Variants in SAMD4B observed in about 807,000 individuals in gnomAD.
SAMD4B encodes protein Smaug homolog 2.
A neutral mutation model predicts 74.5 loss-of-function variants in SAMD4B; 5 were observed. That is an observed-to-expected ratio of 0.07 (90% confidence interval 0.04 to 0.14). The LOEUF (loss-of-function observed/expected upper bound fraction) is 0.14, where lower values mean the gene tolerates loss of function less well. Among genes scored for constraint, SAMD4B ranks in the 10% least tolerant of loss-of-function variants. The pLI, the probability that SAMD4B is intolerant of heterozygous loss-of-function variation, is 1.00. For synonymous variants in SAMD4B, 373 were observed against 374.9 expected, an observed-to-expected ratio of 1.00 and a Z score of 0.06; for missense variants, 608 against 921.8, an observed-to-expected ratio of 0.66 and a Z score of 4.41.
chr19:39,374,577 C>T (rs909209854), intron 4 of SAMD4B, among the ~76,000 whole-genome samples: 1 of 152,084 alleles, frequency 6.6e-6, no homozygotes, highest in Non-Finnish European at 1.5e-5. Context: ...CGCAGTGGCT[C>T]ACGCCTGTAA....
chr19:39,389,833 G>T, downstream of SAMD4B: 1 of 1,597,062 alleles, frequency 6.3e-7, no homozygotes, highest in South Asian at 1.1e-5. This position sits in a 1 kb window ranked among gnomAD's most constrained non-coding sequence, Gnocchi z 5.3. Flanking sequence ...TCCCAGAGGC[G>T]GAGCTTCTCT....
chr19:39,382,819 A>G (rs2078080100), intron 12 of SAMD4B, among the ~76,000 whole-genome samples: 1 of 152,170 alleles, frequency 6.6e-6, no homozygotes, highest in Non-Finnish European at 1.5e-5. Flanking sequence ...TAGCTTTTGC[A>G]CCAAGTACAG....
chr19:39,359,113 A>C (rs2076503975), intron 3 of SAMD4B, among the ~76,000 whole-genome samples: 1 of 152,046 alleles, frequency 6.6e-6, no homozygotes, highest in South Asian at 2.1e-4. Flanking sequence ...CACACTCCCC[A>C]CCACTCTAAC....
chr19:39,382,560 C>T (rs1162460819), intron 12 of SAMD4B, among the ~76,000 whole-genome samples: 2 of 152,098 alleles, frequency 1.3e-5, no homozygotes, highest in Non-Finnish European at 2.9e-5. Context: ...TCCAGGTAAA[C>T]AGCTCGGACT....
rs1358727573 is a variant in SAMD4B at position 39,383,814 on chromosome 19, C to T, written c.*287C>T. 32 of 1,159,682 alleles carry T rather than the reference C, an allele frequency of 2.8e-5. No individual in the cohort carries two copies. Among genetic ancestry groups the T allele is most frequent in the Non-Finnish European group, 3.9e-5 (32 of 821,200 alleles). The allele number at this position is 1,159,682 out of a possible 1,614,324, so 71.8% of individuals were successfully genotyped here. On this transcript the variant is annotated 3_prime_UTR_variant, in exon 14 of 14. Coordinates refer to ENST00000610417, the MANE Select transcript of SAMD4B (RefSeq NM_001384574.2). The surrounding 1 kb of genome is among the most constrained non-coding windows in gnomAD (Gnocchi z 4.1). ...CCTCTCTCCTTTCCTTCCTCATCCCCACCTGGTCCCATCCCACCCCTGCCT... is the reference window on the plus strand; with the variant it reads ...CCTCTCTCCTTTCCTTCCTCATCCCTACCTGGTCCCATCCCACCCCTGCCT...
rs906981638 is a variant in SAMD4B at position 39,378,495 on chromosome 19, T to TC, written c.1445-3dup. The TC allele has an allele frequency of 1.2e-6, 2 of 1,613,202 alleles. No homozygotes were observed. The highest frequency in any genetic ancestry group is 1.7e-5 in the Admixed American group (1 of 59,972). ...GGTTAACCTCCTGCCCTTTCTCATGTCCCCCCAGTGTGCACCCAACTGCTG... is the reference window on the plus strand; with the variant it reads ...GGTTAACCTCCTGCCCTTTCTCATGTCCCCCCCAGTGTGCACCCAACTGCTG... On this transcript the variant is annotated splice_polypyrimidine_tract_variant and intron_variant, in intron 8 of 13. Transcript: ENST00000610417. The surrounding 1 kb of genome is among the most constrained non-coding windows in gnomAD (Gnocchi z 4.4).
chr19:39,383,408 GC>G lies in SAMD4B; in HGVS notation c.2057-89del. The G allele has an allele frequency of 6.4e-7, 1 of 1,567,218 alleles. No individual in the cohort carries two copies. Among genetic ancestry groups the G allele is most frequent in the Non-Finnish European group, 8.8e-7 (1 of 1,137,234 alleles). ...CAGGGGAGGCCAGACTCCAGGGAGGGCCTGACTGGGATGACAGGCTACCTGA... is the reference window on the plus strand; with the variant it reads ...CAGGGGAGGCCAGACTCCAGGGAGGGCTGACTGGGATGACAGGCTACCTGA... On this transcript the variant is annotated intron_variant, in intron 13 of 13. Transcript: ENST00000610417. This position sits in a 1 kb window ranked among gnomAD's most constrained non-coding sequence, Gnocchi z 4.1.
At chr19:39,368,485 C>G (rs2077104124) in intron 3 of SAMD4B, among the ~76,000 whole-genome samples, 1 of 152,074 alleles carries the variant, frequency 6.6e-6, no homozygotes, top group Non-Finnish European at 1.5e-5. Context: ...GGGGAGATAT[C>G]CTGAGCTGAG....
At chr19:39,359,536 A>G (rs1313988470) in intron 3 of SAMD4B, among the ~76,000 whole-genome samples, 1 of 152,088 alleles carries the variant, frequency 6.6e-6, no homozygotes, top group African/African-American at 2.4e-5. Flanking sequence ...TGGTTTTTTC[A>G]CTTACCAATA....
At chr19:39,374,549 A>G (rs2077492252) in intron 4 of SAMD4B, among the ~76,000 whole-genome samples, 2 of 152,206 alleles carry the variant, frequency 1.3e-5, no homozygotes, top group Non-Finnish European at 2.9e-5. Flanking sequence ...GGTGTAGTTA[A>G]TAAGTAAACA....
intron 3 of SAMD4B, among the ~76,000 whole-genome samples, chr19:39,362,484 T>TAGG (rs961986404): frequency 6.6e-6 from 1 of 152,066 alleles, no homozygotes; most frequent in Non-Finnish European, 1.5e-5. Flanking sequence ...TTCATGGAAG[T>TAGG]AGGACATGAG....
intron 4 of SAMD4B, among the ~76,000 whole-genome samples, chr19:39,374,668 C>T (rs558110288): frequency 1.4e-4 from 21 of 151,986 alleles, no homozygotes; most frequent in East Asian, 3.9e-4. Context: ...GGTGAAACCC[C>T]GCCTCTACTA....
chr19:39,343,784 C>T (rs144498473), intron 1 of SAMD4B, among the ~76,000 whole-genome samples: 3 of 152,084 alleles, frequency 2.0e-5, no homozygotes, highest in East Asian at 3.9e-4. Flanking sequence ...CCACATCACA[C>T]GCTCCAAAAA....
Position 39,383,797 on chromosome 19 carries a change from C to A in SAMD4B, c.*270C>A. The stretch of plus-strand genomic sequence containing the variant: ...ACTGGCCAGACTGCCTGCCTCTCTC[C>A]TTTCCTTCCTCATCCCCACCTGGTC... On this transcript the variant is annotated 3_prime_UTR_variant, in exon 14 of 14. Transcript: ENST00000610417. This position sits in a 1 kb window ranked among gnomAD's most constrained non-coding sequence, Gnocchi z 4.1. The A allele has an allele frequency of 7.6e-7, 1 of 1,307,676 alleles. No individual in the cohort carries two copies. The allele number at this position is 1,307,676 out of a possible 1,614,324, so 81.0% of individuals were successfully genotyped here.
chr19:39,358,626 GA>G (rs2076473949), intron 3 of SAMD4B, among the ~76,000 whole-genome samples: 1 of 151,594 alleles, frequency 6.6e-6, no homozygotes, highest in African/African-American at 2.4e-5. Flanking sequence ...GAAAAGGAAA[GA>G]AAAAAGATGA....
chr19:39,343,511 C>T (rs1041182857), intron 1 of SAMD4B, among the ~76,000 whole-genome samples: 4 of 150,906 alleles, frequency 2.7e-5, no homozygotes, highest in African/African-American at 9.8e-5. Context: ...CACACTCCCC[C>T]TTCACGTATC....
chr19:39,345,185 TA>T (rs1568340162), intron 1 of SAMD4B, among the ~76,000 whole-genome samples: 1 of 152,172 alleles, frequency 6.6e-6, no homozygotes, highest in Non-Finnish European at 1.5e-5. Flanking sequence ...TTTTCCTCAC[TA>T]AAAGCCCCCT....
At chr19:39,367,365 G>A (rs1427275532) in intron 3 of SAMD4B, among the ~76,000 whole-genome samples, 1 of 152,152 alleles carries the variant, frequency 6.6e-6, no homozygotes, top group East Asian at 1.9e-4. Flanking sequence ...TGAGAGCGTA[G>A]TTGGCCTCAG....
At chr19:39,386,452 G>T (rs758816665), downstream of SAMD4B, 12 of 1,614,044 alleles carry the variant, frequency 7.4e-6, no homozygotes, top group East Asian at 2.5e-4. This position sits in a 1 kb window ranked among gnomAD's most constrained non-coding sequence, Gnocchi z 6.1. Flanking sequence ...CCCTCCCAGG[G>T]CTCCCAGAGT....
Sources: gnomAD v4.1 joint callset for allele counts (sites outside exome capture counted in the v4.1 genomes callset) on GRCh38, gnomAD v4.1.1 for gene constraint, Gnocchi (gnomAD v3.1) non-coding constraint, MANE v1.5 for transcripts, NCBI Gene and HGNC (gene_info 2026-07-23, HGNC 2026-07-21) for gene names.